WDR88: variants seen among roughly 807,000 people sequenced by gnomAD.
WDR88 encodes the protein WD repeat domain 88.
In WDR88, 40 loss-of-function variants were observed where a neutral mutation model predicts 46.8. The ratio of observed to expected loss-of-function variants is 0.86; its 90% CI spans 0.66 to 1.11. WDR88 has a LOEUF of 1.11. Ranked by LOEUF, WDR88 falls within the 50% of genes most tolerant of loss-of-function variation. WDR88 has a pLI of 0.00. For missense variants in WDR88, 562 were observed against 602.4 expected (o/e 0.93, Z 0.70); for synonymous variants, 235 against 240.7 (o/e 0.98, Z 0.22).
At chr19:33,159,909 T>C (rs1325623980) in intron 7 of WDR88, among the ~76,000 whole-genome samples, 1 of 151,934 alleles carries the variant, frequency 6.6e-6, no homozygotes, top group Non-Finnish European at 1.5e-5. Flanking sequence ...TTCCTGCAAC[T>C]AGATGGTCCC....
intron 10 of WDR88, among the ~76,000 whole-genome samples, chr19:33,173,770 T>C (rs1974079051): frequency 6.6e-6 from 1 of 152,246 alleles, no homozygotes; most frequent in Non-Finnish European, 1.5e-5. Context: ...CCTCCTCCTC[T>C]GTGAGCCCTG....
intron 10 of WDR88, 94 bp from the exon 11 acceptor site, chr19:33,175,302 C>A: frequency 7.5e-7 from 1 of 1,329,332 alleles, no homozygotes; most frequent in Non-Finnish European, 1.0e-6. Context: ...CTTGCCTTGC[C>A]CCAGCTCAAG....
intron 7 of WDR88, among the ~76,000 whole-genome samples, chr19:33,158,463 A>C (rs1973804586): frequency 6.6e-6 from 1 of 152,162 alleles, no homozygotes; most frequent in African/African-American, 2.4e-5. Context: ...AAAGAATCAC[A>C]TGCAGTTAAT....
At chr19:33,145,103 G>GT (rs1973485158) in intron 3 of WDR88, among the ~76,000 whole-genome samples, 171 bp downstream of exon 3, 1 of 152,152 alleles carries the variant, frequency 6.6e-6, no homozygotes, top group Non-Finnish European at 1.5e-5. Flanking sequence ...TCCTGCATTG[G>GT]CCTCCCAAAG....
intron 7 of WDR88, among the ~76,000 whole-genome samples, chr19:33,159,335 AAAATAAAT>A (rs71176202): frequency 0.017 from 2,378 of 142,744 alleles, 48 homozygotes; most frequent in East Asian, 0.047. Flanking sequence ...CTTATCTCTA[AAAATAAAT>A]AAATAAATAA....
intron 1 of WDR88, among the ~76,000 whole-genome samples, chr19:33,137,419 A>G (rs1221230605): frequency 6.6e-6 from 1 of 151,800 alleles, no homozygotes; most frequent in African/African-American, 2.4e-5. Context: ...TGCCCAGCCA[A>G]GTTTTGTATT....
intron 9 of WDR88, among the ~76,000 whole-genome samples, chr19:33,171,539 T>G (rs529025660): frequency 1.4e-4 from 21 of 152,228 alleles, no homozygotes; most frequent in African/African-American, 5.1e-4. Context: ...CTATAATAAG[T>G]TACCAGACTG....
At chr19:33,160,310 G>T in intron 7 of WDR88, 104 bp from the exon 8 acceptor site, 1 of 1,110,928 alleles carries the variant, frequency 9.0e-7, no homozygotes. Flanking sequence ...AGTGTTGTCA[G>T]AGTGAGATGA....
At chr19:33,139,579 G>C (rs988077715) in intron 2 of WDR88, among the ~76,000 whole-genome samples, 1 of 152,140 alleles carries the variant, frequency 6.6e-6, no homozygotes, top group Non-Finnish European at 1.5e-5. Context: ...TTCCTGCTAG[G>C]GGGACAGATA....
At chr19:33,151,926 C>T (rs1327916279) in intron 6 of WDR88, among the ~76,000 whole-genome samples, 1 of 151,462 alleles carries the variant, frequency 6.6e-6, no homozygotes, top group African/African-American at 2.4e-5. Context: ...GGAGATATTA[C>T]ATTATCATTT....
chr19:33,162,641 T>C (rs1401496295), intron 8 of WDR88, among the ~76,000 whole-genome samples: 2 of 152,106 alleles, frequency 1.3e-5, no homozygotes, highest in Non-Finnish European at 2.9e-5. Context: ...GGGTATTTCC[T>C]AGAACAAAGA....
rs370177984 is a variant in WDR88 at position 33,132,364 on chromosome 19, G to A, written c.195G>A (p.Arg65=). ...CCCTCGACCCCCTGGCCTTGGACAGGGAACCACCACCGCATCTGTTGCCTG... is the reference window on the plus strand; with the variant it reads ...CCCTCGACCCCCTGGCCTTGGACAGAGAACCACCACCGCATCTGTTGCCTG... ...LATLDPLALD[R]EPPPHLLPEK... is the part of the protein sequence containing the mutation. Residue 65 remains arginine (R), a synonymous_variant, in exon 1 of 11, where the codon AGG becomes AGA. Coordinates refer to ENST00000355868, the MANE Select transcript of WDR88 (RefSeq NM_173479.4). 4 of 1,614,072 alleles carry A rather than the reference G, an allele frequency of 2.5e-6. No homozygotes were observed. Among genetic ancestry groups the A allele is most frequent in the Non-Finnish European group, 3.4e-6 (4 of 1,180,000 alleles).
In WDR88 at chr19:33,147,559, C is replaced by T. The variant is rs529654693; in HGVS notation, c.477-86C>T. 6.0e-6 allele frequency: 8 copies of T among 1,327,298 alleles called. No homozygotes were observed. The Middle Eastern group carries it at 5.5e-4, about 92-fold the overall frequency. The allele number at this position is 1,327,298 out of a possible 1,614,324, so 82.2% of individuals were successfully genotyped here. On this transcript the variant is annotated intron_variant, in intron 3 of 10. Transcript: ENST00000355868. ...TGGAGGTTGCAGTGAGCCGGTATTG[C>T]ACCACTGCACTCCAGCTGGGGCAAC...
chr19:33,141,021 T>C (rs1435710054), intron 2 of WDR88, among the ~76,000 whole-genome samples: 2 of 150,620 alleles, frequency 1.3e-5, no homozygotes, highest in Non-Finnish European at 3.0e-5. Context: ...ACTGCACCTT[T>C]TACCTCCTGG....
intron 6 of WDR88, among the ~76,000 whole-genome samples, chr19:33,153,087 G>A (rs1973666194): frequency 6.6e-6 from 1 of 152,008 alleles, no homozygotes; most frequent in Non-Finnish European, 1.5e-5. Flanking sequence ...GTCTTGCTCT[G>A]TTGCCCAGGC....
At chr19:33,135,930 C>A (rs1973256629) in intron 1 of WDR88, among the ~76,000 whole-genome samples, 1 of 151,990 alleles carries the variant, frequency 6.6e-6, no homozygotes, top group Admixed American at 6.6e-5. Context: ...TGCTCTGTCA[C>A]CCAGGCTGGA....
chr19:33,142,350 G>A (rs1973413964), intron 2 of WDR88, among the ~76,000 whole-genome samples: 1 of 152,092 alleles, frequency 6.6e-6, no homozygotes, highest in Non-Finnish European at 1.5e-5. Flanking sequence ...GAGGGCAGAG[G>A]GAGGGAGCAC....
intron 9 of WDR88, among the ~76,000 whole-genome samples, chr19:33,167,043 T>C (rs1452328733): frequency 6.6e-6 from 1 of 152,210 alleles, no homozygotes; most frequent in Non-Finnish European, 1.5e-5. Context: ...ATATTTAATG[T>C]AAAGCAGTGA....
chr19:33,162,128 A>C (rs1190804102), intron 8 of WDR88, among the ~76,000 whole-genome samples: 1 of 152,210 alleles, frequency 6.6e-6, no homozygotes, highest in African/African-American at 2.4e-5. Flanking sequence ...AAGGACAGAG[A>C]TGCTGGCATA....
Sources: allele counts gnomAD v4.1 joint callset (sites outside exome capture counted in the v4.1 genomes callset), GRCh38; gene constraint gnomAD v4.1.1; transcripts MANE v1.5; gene names NCBI Gene and HGNC (gene_info 2026-07-23, HGNC 2026-07-21).